Variants in SLC2A14 observed in about 807,000 individuals in gnomAD.
SLC2A14 encodes the protein solute carrier family 2 member 14, also known as solute carrier family 2, facilitated glucose transporter member 14.
Under a neutral mutation model 43.0 loss-of-function variants are expected in SLC2A14, and 13 were observed. The ratio of observed to expected loss-of-function variants is 0.30; its 90% CI spans 0.20 to 0.48. The LOEUF (loss-of-function observed/expected upper bound fraction) is 0.48. SLC2A14 is among the 20% of genes least tolerant of loss of function. The pLI is 0.99. For synonymous variants in SLC2A14, 190 were observed against 233.8 expected (o/e 0.81, Z 1.71); for missense variants, 428 against 620.4 (o/e 0.69, Z 3.29).
intron 7 of SLC2A14, among the ~76,000 whole-genome samples, chr12:7,825,467 A>T (rs1166358350): frequency 6.8e-6 from 1 of 147,212 alleles, no homozygotes; most frequent in Non-Finnish European, 1.5e-5. Flanking sequence ...CTCAAAAAAA[A>T]AAAAAGAAAG....
chr12:7,881,451 G>A (rs1194687519), intron 1 of SLC2A14, among the ~76,000 whole-genome samples: 3 of 152,074 alleles, frequency 2.0e-5, no homozygotes, highest in Non-Finnish European at 4.4e-5. Flanking sequence ...GGGTGTGCTG[G>A]GTTCCCCAGC....
chr12:7,814,868 C>T (rs1040904948), intron 10 of SLC2A14, among the ~76,000 whole-genome samples: 30 of 151,842 alleles, frequency 2.0e-4, no homozygotes, highest in Middle Eastern at 3.2e-3. Context: ...GGCAGGATCT[C>T]GGCTCACTGC....
chr12:7,878,059 T>C (rs1945493819), upstream of SLC2A14, among the ~76,000 whole-genome samples: 1 of 151,404 alleles, frequency 6.6e-6, no homozygotes, highest in Admixed American at 6.6e-5. Context: ...TTTTATTTTT[T>C]ATTTTTTTGA....
At chr12:7,864,566 C>T (rs1382500204) in intron 2 of SLC2A14, among the ~76,000 whole-genome samples, 7 of 152,140 alleles carry the variant, frequency 4.6e-5, no homozygotes, top group South Asian at 2.1e-4. Context: ...TCTCGATCTC[C>T]GGACCTCATC....
upstream of SLC2A14, among the ~76,000 whole-genome samples, chr12:7,876,939 G>A (rs936694714): frequency 6.6e-6 from 1 of 151,642 alleles, no homozygotes; most frequent in African/African-American, 2.4e-5. Flanking sequence ...ATTTCAATTA[G>A]CATGATATTC....
At chr12:7,828,150 T>C (rs1405110290) in intron 6 of SLC2A14, among the ~76,000 whole-genome samples, 1 of 151,124 alleles carries the variant, frequency 6.6e-6, no homozygotes, top group Non-Finnish European at 1.5e-5. Flanking sequence ...AATCACAAGG[T>C]CAGGAGTTTG....
At chr12:7,874,747 A>G (rs1309225826), upstream of SLC2A14, among the ~76,000 whole-genome samples, 2 of 102,754 alleles carry the variant, frequency 1.9e-5, no homozygotes, top group African/African-American at 7.4e-5. Flanking sequence ...AAAAATATAT[A>G]TAAATATTTA....
intron 1 of SLC2A14, among the ~76,000 whole-genome samples, chr12:7,871,701 C>T (rs1262627089): frequency 6.6e-6 from 1 of 152,002 alleles, no homozygotes; most frequent in Non-Finnish European, 1.5e-5. Context: ...GGCTGCTCCC[C>T]AAGGAGGAAG....
At chr12:7,870,720 C>A in intron 1 of SLC2A14, 1 of 405,340 alleles carries the variant, frequency 2.5e-6, no homozygotes, top group Non-Finnish European at 3.6e-6. Flanking sequence ...TTGGAAAAAA[C>A]AAATAAAGTC....
At chr12:7,871,368 A>C in intron 1 of SLC2A14, 1 of 554,390 alleles carries the variant, frequency 1.8e-6, no homozygotes, top group Non-Finnish European at 2.5e-6. Flanking sequence ...AAGGGCAAAG[A>C]TGACTAGGCC....
At chr12:7,815,122 G>A (rs1180552429) in intron 10 of SLC2A14, among the ~76,000 whole-genome samples, 3 of 151,332 alleles carry the variant, frequency 2.0e-5, no homozygotes, top group East Asian at 2.0e-4. Flanking sequence ...TAAAATCTGT[G>A]TTGCTGAGCT....
chr12:7,831,621 A>G lies in SLC2A14; in HGVS notation c.255T>C (p.Phe85=), dbSNP rs745599408. The stretch of plus-strand genomic sequence containing the variant: ...GTCAATACCTGCCAAAGCGGTTAAC[A>G]AAGAGTCCGACGGAAAAGGAGCCGA... ...GMIGSFSVGL[F]VNRFGRRNSM... The change falls in exon 4 of 11, where the codon TTT becomes TTC. Residue 85 remains phenylalanine, a synonymous_variant. Coordinates refer to ENST00000431042, the MANE Select transcript of SLC2A14 (RefSeq NM_001286234.2). 9.9e-6 allele frequency: 16 copies of G among 1,614,066 alleles called. No homozygotes were observed. The highest frequency in any genetic ancestry group is 2.2e-5 in the East Asian group (1 of 44,898).
At chr12:7,840,298 C>T (rs1420170833) in intron 2 of SLC2A14, among the ~76,000 whole-genome samples, 1 of 151,594 alleles carries the variant, frequency 6.6e-6, no homozygotes, top group Non-Finnish European at 1.5e-5. Flanking sequence ...ATCAAACCTG[C>T]GGGTACCTTG....
At chr12:7,814,583 T>C (rs1452734900) in intron 10 of SLC2A14, 49 bp from the exon 11 acceptor site, 1 of 1,568,052 alleles carries the variant, frequency 6.4e-7, no homozygotes, top group Admixed American at 1.9e-5. Flanking sequence ...ATCTGGTCAT[T>C]GACAAATACA....
intron 2 of SLC2A14, 145 bp from the exon 3 acceptor site, chr12:7,832,959 T>C: frequency 5.8e-6 from 4 of 694,284 alleles, no homozygotes; most frequent in Non-Finnish European, 9.6e-6. Context: ...ATTTAGGTAA[T>C]TAATCGGGAA....
At chr12:7,827,033 TCTTTCTCTC>T (rs1480518033) in intron 7 of SLC2A14, among the ~76,000 whole-genome samples, 6 of 147,404 alleles carry the variant, frequency 4.1e-5, no homozygotes, top group East Asian at 2.0e-4. Context: ...CCTTTCTCTC[TCTTTCTCTC>T]CTTTCTCTCT....
chr12:7,865,321 A>C (rs896407492), intron 2 of SLC2A14, among the ~76,000 whole-genome samples: 4 of 152,072 alleles, frequency 2.6e-5, no homozygotes, highest in African/African-American at 9.7e-5. Context: ...GCGGATCACG[A>C]GGTCAGGAGA....
At position 7,852,953 on chromosome 12, in the gene SLC2A14, G is replaced by T. The variant is rs184016268; in HGVS notation, c.18+16910C>A. On this transcript the variant is annotated intron_variant, in intron 2 of 10. Coordinates refer to ENST00000431042, the MANE Select transcript of SLC2A14 (RefSeq NM_001286234.2). Reference sequence around the variant, plus strand: ...AAGCACAACTCATAGAAAGGCTTTGGTCTCTCTCAGGAAGCACATACTCTC... The same window carrying T: ...AAGCACAACTCATAGAAAGGCTTTGTTCTCTCTCAGGAAGCACATACTCTC... 1.4e-4 allele frequency among the ~76,000 whole-genome samples: 22 copies of T among 152,230 alleles called. 1 individual carries two copies. The highest frequency in any genetic ancestry group is 5.1e-4 in the African/African-American group (21 of 41,556).
At chr12:7,815,796 G>A (rs1019086526) in intron 10 of SLC2A14, among the ~76,000 whole-genome samples, 1 of 152,198 alleles carries the variant, frequency 6.6e-6, no homozygotes, top group South Asian at 2.1e-4. Flanking sequence ...GGCTGGTCTT[G>A]CACTCCCAAC....
Sources: gnomAD v4.1 joint callset for allele counts (sites outside exome capture counted in the v4.1 genomes callset) on GRCh38, gnomAD v4.1.1 for gene constraint, MANE v1.5 for transcripts, NCBI Gene and HGNC (gene_info 2026-07-23, HGNC 2026-07-21) for gene names.